The following DMXL1 variants were observed in gnomAD, a reference collection of about 807,000 sequenced individuals.
The protein encoded by DMXL1 is Dmx like 1.
In DMXL1, 99 loss-of-function variants were observed where a neutral mutation model predicts 319.2. The observed-to-expected ratio is 0.31, with a 90% confidence interval of 0.26 to 0.37. DMXL1 has a LOEUF of 0.37. DMXL1 is among the 10% of genes least tolerant of loss of function. The probability of loss-of-function intolerance (pLI) is 1.00; values close to 1 mark genes in which losing one functional copy is unlikely to be tolerated. For missense variants in DMXL1, 3,745 were observed against 3,595.6 expected (o/e 1.04, Z -1.06); for synonymous variants, 1,385 against 1,235.2 (o/e 1.12, Z -2.54).
intron 34 of DMXL1, among the ~76,000 whole-genome samples, chr5:119,216,499 C>A (rs1293858196): frequency 2.0e-5 from 3 of 152,118 alleles, no homozygotes; most frequent in Admixed American, 2.0e-4. Flanking sequence ...CCTTTGTGGT[C>A]TGCAAAACCT....
intron 22 of DMXL1, 29 bp downstream of exon 22, chr5:119,166,810 A>G (rs1455059170): frequency 1.3e-6 from 2 of 1,558,590 alleles, no homozygotes; most frequent in Non-Finnish European, 1.7e-6. Context: ...ATAACAAAGT[A>G]TAGCAATGTC....
intron 39 of DMXL1, chr5:119,236,614 T>A (rs1337661698): frequency 6.6e-6 from 1 of 152,008 alleles, no homozygotes; most frequent in African/African-American, 2.4e-5. Flanking sequence ...TATTGTGAAT[T>A]TTTGAATACT....
intron 2 of DMXL1, among the ~76,000 whole-genome samples, chr5:119,098,556 T>C (rs755116744): frequency 3.3e-5 from 5 of 152,162 alleles, no homozygotes; most frequent in Non-Finnish European, 7.4e-5. Flanking sequence ...GAGTTTATAA[T>C]ATTCTAAGCC....
intron 5 of DMXL1, among the ~76,000 whole-genome samples, chr5:119,113,122 G>A (rs758254180): frequency 1.3e-5 from 2 of 152,250 alleles, no homozygotes; most frequent in South Asian, 2.1e-4. Context: ...ATCATTGTAT[G>A]TATATATATG....
chr5:119,075,800 A>G (rs35818538), intron 1 of DMXL1, among the ~76,000 whole-genome samples: 7,299 of 151,780 alleles, frequency 0.048, 255 homozygotes, highest in South Asian at 0.071. Context: ...CCTGGGCTCA[A>G]GTGATCCTCC....
chr5:119,147,065 G>A, intron 16 of DMXL1, 109 bp downstream of exon 16: 2 of 1,282,578 alleles, frequency 1.6e-6, no homozygotes, highest in Non-Finnish European at 2.2e-6. Flanking sequence ...TCATTAAATG[G>A]TGATAACTGT....
chr5:119,194,549 G>T (rs1039436632), intron 30 of DMXL1, among the ~76,000 whole-genome samples: 1 of 152,140 alleles, frequency 6.6e-6, no homozygotes, highest in African/African-American at 2.4e-5. Flanking sequence ...AACATGGTAT[G>T]TTAATGGTGT....
At chr5:119,096,178 T>C (rs1755911059) in intron 1 of DMXL1, among the ~76,000 whole-genome samples, 2 of 42,464 alleles carry the variant, frequency 4.7e-5, no homozygotes, top group Non-Finnish European at 5.1e-5. Flanking sequence ...TGAAGTATAA[T>C]TTTTTTTTTT....
chr5:119,225,602 A>G (rs564626588), intron 38 of DMXL1, among the ~76,000 whole-genome samples: 8 of 152,270 alleles, frequency 5.3e-5, no homozygotes, highest in African/African-American at 1.4e-4. Context: ...ATATTCTGAT[A>G]AAATGCAGTT....
chr5:119,120,555 G>A lies in DMXL1; in HGVS notation c.934-416G>A, dbSNP rs141593750. 4.1e-4 allele frequency among the ~76,000 whole-genome samples: 62 copies of A among 152,344 alleles called. 1 individual carries two copies. The highest frequency in any genetic ancestry group is 1.5e-3 in the African/African-American group (61 of 41,582). On this transcript the variant is annotated intron_variant, in intron 8 of 43. Coordinates refer to ENST00000539542, the MANE Select transcript of DMXL1 (RefSeq NM_001290321.3). ...CTTTGTAAATTATGAAATGTTCCAT[G>A]TGCAGTGGTAATATTATTTAATACT...
At chr5:119,110,953 T>C (rs1382537861) in intron 5 of DMXL1, among the ~76,000 whole-genome samples, 1 of 152,180 alleles carries the variant, frequency 6.6e-6, no homozygotes, top group Non-Finnish European at 1.5e-5. Flanking sequence ...CACATCTGGC[T>C]AATTTTTGTA....
intron 19 of DMXL1, among the ~76,000 whole-genome samples, chr5:119,154,240 C>A (rs1263823831): frequency 6.6e-6 from 1 of 152,170 alleles, no homozygotes; most frequent in Non-Finnish European, 1.5e-5. Flanking sequence ...CCCTTTAAAT[C>A]AAAAGCTAGA....
At chr5:119,234,257 A>G (rs1787308253) in intron 39 of DMXL1, among the ~76,000 whole-genome samples, 1 of 152,096 alleles carries the variant, frequency 6.6e-6, no homozygotes. Context: ...GAGGCAGTGC[A>G]CCCACAGCCA....
Position 119,133,499 on chromosome 5 carries a change from C to T in DMXL1, c.1575C>T (p.Ser525=). Reference sequence around the variant, plus strand: ...ACTTGCTTTCTTGATTCTAGGTGTCCTTTGTTTCCAGAATTCCAGTAGCTT... The same window carrying T: ...ACTTGCTTTCTTGATTCTAGGTGTCTTTTGTTTCCAGAATTCCAGTAGCTT... ...QPGMFRQVQV[S]FVSRIPVAFP... The change falls in exon 12 of 44, where the codon TCC becomes TCT. Residue 525 remains serine, a synonymous_variant. Transcript: ENST00000539542. 2 of 1,603,434 alleles carry T rather than the reference C, an allele frequency of 1.2e-6. No homozygotes were observed. The highest frequency in any genetic ancestry group is 1.7e-6 in the Non-Finnish European group (2 of 1,176,104).
intron 9 of DMXL1, chr5:119,128,552 C>G (rs1764104888): frequency 6.4e-6 from 1 of 156,984 alleles, no homozygotes; most frequent in African/African-American, 2.4e-5. Context: ...TTTGTTCAGA[C>G]CCGTAGAATG....
chr5:119,247,902 A>G lies in DMXL1; in HGVS notation c.*683A>G, dbSNP rs1223057150. On this transcript the variant is annotated 3_prime_UTR_variant, in exon 44 of 44. Transcript: ENST00000539542. ...GGTTTTTCATGTGTTTTTGTGCCAT[A>G]ACAACTATTGCCACCAGAATAACTT... is the stretch of plus-strand genomic sequence containing the variant. 7 of 141,842 alleles carry G rather than the reference A, an allele frequency of 4.9e-5. No homozygotes were observed. The highest frequency in any genetic ancestry group is 6.1e-5 in the Non-Finnish European group (4 of 65,668). The allele number at this position is 141,842 out of a possible 1,614,324, so 8.8% of individuals were successfully genotyped here.
Position 119,226,686 on chromosome 5 carries a change from A to C in DMXL1, c.8338+1917A>C, listed in dbSNP as rs113713860. Among the ~76,000 whole-genome samples the C allele has an allele frequency of 3.4e-3, 516 of 152,236 alleles. 3 individuals are homozygous for C. The highest frequency in any genetic ancestry group is 0.012 in the African/African-American group (508 of 41,558). ...GCTCAGTCCCACAAAACTGCTCCTT[A>C]CTTCAGACACCACTCGCAGGTTATC... On this transcript the variant is annotated intron_variant, in intron 38 of 43. Transcript: ENST00000539542.
intron 39 of DMXL1, chr5:119,236,663 A>G (rs1157660976): frequency 1.3e-5 from 2 of 152,016 alleles, no homozygotes; most frequent in Non-Finnish European, 2.9e-5. Context: ...TCAAATTGTT[A>G]ATAGATGTTA....
chr5:119,178,398 A>G (rs1367652383), intron 28 of DMXL1, among the ~76,000 whole-genome samples, 154 bp downstream of exon 28: 1 of 152,226 alleles, frequency 6.6e-6, no homozygotes, highest in Admixed American at 6.5e-5. Context: ...AAAATGCAGT[A>G]TTAAAGTTTC....
Sources: allele counts gnomAD v4.1 joint callset (sites outside exome capture counted in the v4.1 genomes callset), GRCh38; gene constraint gnomAD v4.1.1; transcripts MANE v1.5; gene names NCBI Gene and HGNC (gene_info 2026-07-23, HGNC 2026-07-21).